Variants in CENPN observed in about 807,000 individuals in gnomAD.
CENPN encodes the protein centromere protein N, also known as interphase centromere complex protein 32.
In CENPN, 36 loss-of-function variants were observed where a neutral mutation model predicts 48.6. That is an observed-to-expected ratio of 0.74 (90% CI 0.57 to 0.98). The LOEUF (loss-of-function observed/expected upper bound fraction) is 0.98, where lower values mean the gene tolerates loss of function less well. Among genes scored for constraint, CENPN ranks in the 50% least tolerant of loss-of-function variants. The probability of loss-of-function intolerance (pLI) is 0.00; values close to 1 mark genes in which losing one functional copy is unlikely to be tolerated. For synonymous variants in CENPN, 166 were observed against 135.2 expected, an observed-to-expected ratio of 1.23 and a Z score of -1.58; for missense variants, 439 against 399.2, an observed-to-expected ratio of 1.10 and a Z score of -0.85.
At chr16:81,023,139 T>C (rs963663509) in intron 7 of CENPN, 4 of 348,930 alleles carry the variant, frequency 1.1e-5, no homozygotes, top group African/African-American at 8.5e-5. Flanking sequence ...GTTCATTTGT[T>C]AAAATAATTT....
chr16:81,031,743 C>T (rs10083791), downstream of CENPN, among the ~76,000 whole-genome samples: 1,151 of 152,288 alleles, frequency 7.6e-3, 12 homozygotes, highest in African/African-American at 0.026. Context: ...GCTGGGATTA[C>T]AGGCACGTGC....
chr16:81,027,056 C>T (rs1477959553), intron 9 of CENPN, among the ~76,000 whole-genome samples: 1 of 152,062 alleles, frequency 6.6e-6, no homozygotes, highest in African/African-American at 2.4e-5. Context: ...CCTCGGCCTC[C>T]CAAGGTGTTG....
At chr16:81,024,909 T>G in intron 8 of CENPN, 131 bp downstream of exon 8, 1 of 516,874 alleles carries the variant, frequency 1.9e-6, no homozygotes, top group Non-Finnish European at 3.3e-6. Context: ...AATTGAAAAG[T>G]AAATATCTGT....
At chr16:81,015,583 A>G (rs1377942075) in intron 3 of CENPN, among the ~76,000 whole-genome samples, 5 of 152,240 alleles carry the variant, frequency 3.3e-5, no homozygotes, top group African/African-American at 1.2e-4. Flanking sequence ...GCATGCTCCA[A>G]TTCAGCTATT....
chr16:81,028,760 C>G lies in CENPN; in HGVS notation c.*109C>G, dbSNP rs762312389. ...TCTGTAAACTTGTATTTTCAAGAAT[C>G]CTTGGTATTGAATTTTTAGAAATGC... On this transcript the variant is annotated 3_prime_UTR_variant, in exon 11 of 11. Transcript: ENST00000305850. 2 of 1,473,188 alleles carry G rather than the reference C, an allele frequency of 1.4e-6. No homozygotes were observed. Among genetic ancestry groups the G allele is most frequent in the Non-Finnish European group, 9.0e-7 (1 of 1,116,692 alleles). The allele number at this position is 1,473,188 out of a possible 1,614,324, so 91.3% of individuals were successfully genotyped here.
At chr16:81,025,203 G>C (rs1430412604) in intron 8 of CENPN, among the ~76,000 whole-genome samples, 1 of 152,166 alleles carries the variant, frequency 6.6e-6, no homozygotes, top group African/African-American at 2.4e-5. Context: ...GTAAAATCCA[G>C]GTACGTCTGG....
At chr16:81,014,477 C>T (rs1969860696) in intron 3 of CENPN, 2 of 342,612 alleles carry the variant, frequency 5.8e-6, no homozygotes, top group East Asian at 5.4e-5. Flanking sequence ...AAGTGTTCCT[C>T]CTACCAAAGT....
At chr16:81,013,546 C>T (rs929685330) in intron 2 of CENPN, among the ~76,000 whole-genome samples, 7 of 152,166 alleles carry the variant, frequency 4.6e-5, no homozygotes, top group African/African-American at 1.7e-4. Context: ...CATGGTGAAA[C>T]CCCTTCCCTA....
At chr16:81,011,781 T>C in intron 1 of CENPN, 149 bp from the exon 2 acceptor site, 2 of 592,870 alleles carry the variant, frequency 3.4e-6, no homozygotes, top group South Asian at 2.6e-5. Context: ...GGCGGGTGGA[T>C]TGCTTGAGCC....
chr16:81,022,930 T>C, intron 7 of CENPN: 2 of 1,530,530 alleles, frequency 1.3e-6, no homozygotes, highest in South Asian at 2.5e-5. Context: ...GAGTCTGTGT[T>C]GTAGATCTCA....
intron 3 of CENPN, 81 bp from the exon 4 acceptor site, chr16:81,017,245 T>G (rs1277514658): frequency 1.1e-6 from 1 of 922,830 alleles, no homozygotes; most frequent in Non-Finnish European, 1.7e-6. Flanking sequence ...TTCCCCAGTT[T>G]TAAAGTATAG....
rs553799789 is a variant in CENPN at position 81,019,997 on chromosome 16, G to T, written c.355-103G>T. On this transcript the variant is annotated intron_variant, in intron 5 of 10. Transcript: ENST00000305850. Reference sequence around the variant, plus strand: ...CTGCCAGGTCTCAACCTGCATACAAGAGTATAGGGACATCATTGTTCACCC... The same window carrying T: ...CTGCCAGGTCTCAACCTGCATACAATAGTATAGGGACATCATTGTTCACCC... 1.9e-5 allele frequency: 16 copies of T among 859,402 alleles called. No homozygotes were observed. The African/African-American group carries it at 2.3e-4, about 12-fold the overall frequency. The allele number at this position is 859,402 out of a possible 1,614,324, so 53.2% of individuals were successfully genotyped here.
intron 1 of CENPN, among the ~76,000 whole-genome samples, chr16:81,011,130 G>A (rs944958926): frequency 6.6e-6 from 1 of 152,118 alleles, no homozygotes; most frequent in African/African-American, 2.4e-5. Flanking sequence ...ACCCTTCCCT[G>A]TTCCTCGAAG....
At chr16:81,007,514 C>G (rs1212914162) in intron 1 of CENPN, 1 of 152,184 alleles carries the variant, frequency 6.6e-6, no homozygotes, top group Non-Finnish European at 1.5e-5. Flanking sequence ...TGGAGCCTTT[C>G]GTAGGCTCGC....
rs1970658843 is a variant in CENPN, at chr16:81,029,292, A to G, written c.*641A>G. 1.1e-6 allele frequency: 1 copy of G among 920,778 alleles called. No homozygotes were observed. The highest frequency in any genetic ancestry group is 1.8e-5 in the African/African-American group (1 of 55,932). The allele number at this position is 920,778 out of a possible 1,614,324, so 57.0% of individuals were successfully genotyped here. The stretch of plus-strand genomic sequence containing the variant: ...AACTGACAAATATATTGACTTATGA[A>G]TAAAGGTGTCAAAAAACTGGCACAT... On this transcript the variant is annotated 3_prime_UTR_variant, in exon 11 of 11. Transcript: ENST00000305850.
At chr16:81,015,030 A>T (rs985356493) in intron 3 of CENPN, among the ~76,000 whole-genome samples, 8 of 152,206 alleles carry the variant, frequency 5.3e-5, no homozygotes. Context: ...GCTAAGATAT[A>T]TGAAGGTTAG....
chr16:81,024,854 G>A (rs1970391683), intron 8 of CENPN, 76 bp downstream of exon 8: 20 of 896,524 alleles, frequency 2.2e-5, no homozygotes, highest in Middle Eastern at 2.3e-4. Flanking sequence ...TTGGTAAAAC[G>A]TGTATAGTAG....
At chr16:81,010,378 A>G (rs1969691244) in intron 1 of CENPN, among the ~76,000 whole-genome samples, 1 of 152,170 alleles carries the variant, frequency 6.6e-6, no homozygotes, top group Admixed American at 6.5e-5. Context: ...TTCCTTCCTT[A>G]TTCCTGCAGC....
chr16:81,015,925 A>G (rs969175158), intron 3 of CENPN, among the ~76,000 whole-genome samples: 16 of 152,150 alleles, frequency 1.1e-4, no homozygotes, highest in Non-Finnish European at 2.2e-4. Context: ...GAATCATTTG[A>G]ACCCAGGAGA....
Sources: gnomAD v4.1 joint callset for allele counts (sites outside exome capture counted in the v4.1 genomes callset) on GRCh38, gnomAD v4.1.1 for gene constraint, MANE v1.5 for transcripts, NCBI Gene and HGNC (gene_info 2026-07-23, HGNC 2026-07-21) for gene names.